RPRD1A: variants seen among roughly 807,000 people sequenced by gnomAD.
The protein encoded by RPRD1A is regulation of nuclear pre-mRNA domain containing 1A.
In RPRD1A, 9 loss-of-function variants were observed where a neutral mutation model predicts 37.8. That is an observed-to-expected ratio of 0.24 (90% CI 0.14 to 0.42). The LOEUF is 0.42. Ranked by LOEUF, RPRD1A falls within the 10% of genes least tolerant of loss-of-function variation. The pLI, the probability that RPRD1A is intolerant of heterozygous loss-of-function variation, is 1.00. For missense variants in RPRD1A, 255 were observed against 371.0 expected, an observed-to-expected ratio of 0.69 and a Z score of 2.57; for synonymous variants, 138 against 139.7, an observed-to-expected ratio of 0.99 and a Z score of 0.08.
chr18:35,995,597 A>G (rs573694525), intron 6 of RPRD1A, among the ~76,000 whole-genome samples: 33 of 152,340 alleles, frequency 2.2e-4, no homozygotes, highest in East Asian at 1.4e-3. Flanking sequence ...AAAGAATGCA[A>G]TAACAAATTC....
In RPRD1A at chr18:35,993,194, T is replaced by C; in HGVS notation, c.896A>G (p.His299Arg). 1 of 1,614,186 alleles carries C rather than the reference T, an allele frequency of 6.2e-7. No homozygotes were observed. The highest frequency in any genetic ancestry group is 1.1e-5 in the South Asian group (1 of 91,086). The change falls in exon 7 of 7, where the codon CAC becomes CGC. Residue 299 changes from histidine to arginine, a missense_variant. His to Arg is a conservative substitution (Grantham distance 29). This residue lies in a region of RPRD1A where 211 missense variants were observed against 268.9 expected (regional missense o/e 0.78). Transcript: ENST00000399022. The part of the protein sequence containing the change: ...LSRLPNVTGS[H>R]MHLPFAGDIY... Reference sequence around the variant, plus strand: ...GTCTCCCGCAAAGGGCAGGTGCATGTGGCTGCCAGTGACATTGGGCAATCG... The same window carrying C: ...GTCTCCCGCAAAGGGCAGGTGCATGCGGCTGCCAGTGACATTGGGCAATCG...
At chr18:36,047,091 C>G (rs139862305) in intron 1 of RPRD1A, among the ~76,000 whole-genome samples, 42 of 152,134 alleles carry the variant, frequency 2.8e-4, no homozygotes, top group African/African-American at 1.0e-3. Flanking sequence ...CATGGTGGCT[C>G]ATACCTGTAG....
intron 6 of RPRD1A, among the ~76,000 whole-genome samples, chr18:35,996,270 T>G (rs1909051116): frequency 6.6e-6 from 1 of 152,220 alleles, no homozygotes; most frequent in Admixed American, 6.5e-5. Flanking sequence ...TAAAACTTTT[T>G]TTTTTTAAAG....
chr18:36,030,765 G>T, intron 4 of RPRD1A, 43 bp downstream of exon 4: 14 of 1,169,024 alleles, frequency 1.2e-5, no homozygotes, highest in Non-Finnish European at 1.8e-5. Flanking sequence ...GTGGCAACAT[G>T]AAGTAAAAGT....
intron 6 of RPRD1A, among the ~76,000 whole-genome samples, chr18:36,015,153 C>CACACATATAT (rs1042929551): frequency 2.8e-5 from 3 of 108,222 alleles, no homozygotes; most frequent in Non-Finnish European, 6.3e-5. Flanking sequence ...CACACACACA[C>CACACATATAT]ACACATATAT....
At chr18:36,006,847 T>G (rs994425246) in intron 6 of RPRD1A, among the ~76,000 whole-genome samples, 2 of 152,126 alleles carry the variant, frequency 1.3e-5, no homozygotes, top group African/African-American at 2.4e-5. Context: ...TCACTAGCAG[T>G]AGACAACTAG....
intron 1 of RPRD1A, 89 bp downstream of exon 1, chr18:36,067,165 A>G (rs2089048114): frequency 7.1e-7 from 1 of 1,400,594 alleles, no homozygotes; most frequent in Non-Finnish European, 9.6e-7. Flanking sequence ...GACGCCGGGA[A>G]GCCGGGGGCG....
rs370314063 is a variant in RPRD1A at position 36,067,463 on chromosome 18, G to A, written c.-59C>T. The A allele has an allele frequency of 2.7e-5, 42 of 1,534,706 alleles. 1 individual carries two copies. The East Asian group carries it at 2.9e-4, about 11-fold the overall frequency. On this transcript the variant is annotated 5_prime_UTR_variant, in exon 1 of 7. Coordinates refer to ENST00000399022, the MANE Select transcript of RPRD1A (RefSeq NM_018170.5). ...GTGGGGCCGAGGGGAGGAGAGTTTCGCCGCCCTAGCTGCGGCCTCGCCCCC... is the reference window on the plus strand; with the variant it reads ...GTGGGGCCGAGGGGAGGAGAGTTTCACCGCCCTAGCTGCGGCCTCGCCCCC...
At chr18:36,057,633 A>G (rs1201377172) in intron 1 of RPRD1A, among the ~76,000 whole-genome samples, 1 of 150,964 alleles carries the variant, frequency 6.6e-6, no homozygotes, top group African/African-American at 2.5e-5. Flanking sequence ...TAAATAAATA[A>G]AAGTTTATCT....
chr18:36,023,648 A>C (rs985179604), intron 6 of RPRD1A, among the ~76,000 whole-genome samples: 5 of 152,228 alleles, frequency 3.3e-5, no homozygotes, highest in African/African-American at 1.2e-4. Flanking sequence ...GAAAGAAGTC[A>C]ACTGATGCAG....
intron 6 of RPRD1A, chr18:36,025,681 G>C (rs1351922019): frequency 7.8e-7 from 1 of 1,277,224 alleles, no homozygotes; most frequent in Non-Finnish European, 1.0e-6. Flanking sequence ...TCCAATATCT[G>C]CAACAGAAGC....
chr18:36,047,208 G>GAAATAAATAAAT (rs111354358), intron 1 of RPRD1A, among the ~76,000 whole-genome samples: 2,682 of 150,084 alleles, frequency 0.018, 65 homozygotes, highest in African/African-American at 0.063. Flanking sequence ...ACCCTGTCTC[G>GAAATAAATAAAT]AAATAAATAA....
intron 6 of RPRD1A, among the ~76,000 whole-genome samples, chr18:36,009,848 C>T (rs115725540): frequency 0.025 from 3,872 of 152,288 alleles, 185 homozygotes; most frequent in African/African-American, 0.088. Context: ...TTAAACAGCA[C>T]ATGTGGCTGG....
intron 1 of RPRD1A, among the ~76,000 whole-genome samples, chr18:36,038,136 A>G (rs528152769): frequency 6.6e-6 from 1 of 152,360 alleles, no homozygotes; most frequent in African/African-American, 2.4e-5. Context: ...TGCAAGTAAC[A>G]AGGGGCCAAA....
At chr18:36,007,075 C>A (rs1452138646) in intron 6 of RPRD1A, among the ~76,000 whole-genome samples, 1 of 152,100 alleles carries the variant, frequency 6.6e-6, no homozygotes, top group East Asian at 1.9e-4. Context: ...CCTTGCCACC[C>A]TGTGTTTTAC....
intron 1 of RPRD1A, among the ~76,000 whole-genome samples, chr18:36,048,354 C>T (rs1006173500): frequency 5.9e-5 from 9 of 152,088 alleles, no homozygotes; most frequent in Non-Finnish European, 1.2e-4. Context: ...GCGTGAGCCA[C>T]CGCACCCGGC....
intron 1 of RPRD1A, among the ~76,000 whole-genome samples, chr18:36,044,458 C>T (rs537363479): frequency 5.3e-5 from 8 of 152,186 alleles, no homozygotes; most frequent in South Asian, 2.1e-4. Context: ...GAGGCAGAGG[C>T]GGGTGGATCA....
chr18:36,028,791 T>C (rs891725600), intron 4 of RPRD1A, among the ~76,000 whole-genome samples: 1 of 152,126 alleles, frequency 6.6e-6, no homozygotes, highest in African/African-American at 2.4e-5. Context: ...AGCTGAACCA[T>C]TGATAATTAA....
chr18:36,006,004 T>C (rs1467460144), intron 6 of RPRD1A, among the ~76,000 whole-genome samples: 1 of 152,244 alleles, frequency 6.6e-6, no homozygotes, highest in Non-Finnish European at 1.5e-5. Flanking sequence ...TTAACACTTC[T>C]GTGCCTCACT....
Sources: gnomAD v4.1 joint callset for allele counts (sites outside exome capture counted in the v4.1 genomes callset) on GRCh38, gnomAD v4.1.1 for gene constraint, gnomAD v4.1.1 regional missense constraint, MANE v1.5 for transcripts, NCBI Gene and HGNC (gene_info 2026-07-23, HGNC 2026-07-21) for gene names.